Variants in IFT88 observed in about 807,000 individuals in gnomAD.
IFT88 encodes intraflagellar transport protein 88 homolog.
Under a neutral mutation model 119.5 loss-of-function variants are expected in IFT88, and 74 were observed. The observed-to-expected ratio is 0.62, with a 90% CI of 0.51 to 0.75. The LOEUF (loss-of-function observed/expected upper bound fraction) is 0.75, where lower values mean the gene tolerates loss of function less well. Among genes scored for constraint, IFT88 ranks in the 30% least tolerant of loss-of-function variants. IFT88 has a pLI of 0.00. For missense variants in IFT88, 961 were observed against 977.7 expected, an observed-to-expected ratio of 0.98 and a Z score of 0.23; for synonymous variants, 279 against 316.7, an observed-to-expected ratio of 0.88 and a Z score of 1.26.
rs746725002 is a variant in IFT88, at chr13:20,638,360, A to G, written c.1415A>G (p.Tyr472Cys). 2 of 1,412,766 alleles carry G rather than the reference A, an allele frequency of 1.4e-6. No homozygotes were observed. The highest frequency in any genetic ancestry group is 1.9e-6 in the Non-Finnish European group (2 of 1,078,012). 87.5% of individuals were successfully genotyped at this position (1,412,766 alleles called of 1,614,324 possible). The change falls in exon 17 of 26, where the codon TAT (tyrosine) becomes TGT (cysteine). Residue 472 changes from tyrosine to cysteine, a missense_variant. Transcript: ENST00000351808. ...AAGGATTTTGCACAAGCCAGCAGCT[A>G]TGCAGATATAGCTGTGAACTCTGAT... ...MGKDFAQASS[Y>C]ADIAVNSDRY...
intron 14 of IFT88, among the ~76,000 whole-genome samples, chr13:20,621,574 T>C (rs1349907412): frequency 7.2e-6 from 1 of 138,568 alleles, no homozygotes; most frequent in African/African-American, 2.8e-5. Flanking sequence ...TTTAAAAAAG[T>C]AAAAAATCCA....
intron 20 of IFT88, among the ~76,000 whole-genome samples, chr13:20,650,220 A>C (rs934602856): frequency 6.6e-6 from 1 of 152,132 alleles, no homozygotes; most frequent in Non-Finnish European, 1.5e-5. Flanking sequence ...ATGCAAAAAT[A>C]CTCAACAAAA....
chr13:20,598,633 T>A lies in IFT88; in HGVS notation c.595-18T>A. 6.6e-7 allele frequency: 1 copy of A among 1,525,542 alleles called. No individual in the cohort carries two copies. The allele number at this position is 1,525,542 out of a possible 1,614,324, so 94.5% of individuals were successfully genotyped here. A position where few individuals can be genotyped will look rare whatever the true frequency, so the allele number is the denominator to read the frequency against. ...AAAGTGGTCTTATGTGTCTTTTCTATAATATTTTCTTCCTTAGGTTCTTTT... is the reference window on the plus strand; with the variant it reads ...AAAGTGGTCTTATGTGTCTTTTCTAAAATATTTTCTTCCTTAGGTTCTTTT... On this transcript the variant is annotated intron_variant, in intron 9 of 25. Coordinates refer to ENST00000351808, the MANE Select transcript of IFT88 (RefSeq NM_006531.5).
rs747257976 is a variant in IFT88 at position 20,641,310 on chromosome 13, A to T, written c.1594A>T (p.Asn532Tyr). ...TTAAGGCCTTACCTATGAGAAACTAAATCGGCTAGATGAGGCTTTGGACTG... is the reference window on the plus strand; with the variant it reads ...TTAAGGCCTTACCTATGAGAAACTATATCGGCTAGATGAGGCTTTGGACTG... ...YNIGLTYEKL[N>Y]RLDEALDCFL... Residue 532 changes from asparagine (N) to tyrosine (Y), a missense_variant, in exon 18 of 26, where the codon AAT (asparagine) becomes TAT (tyrosine). Transcript: ENST00000351808. 1.2e-5 allele frequency: 19 copies of T among 1,609,586 alleles called. No homozygotes were observed. The South Asian group carries it at 2.1e-4, about 18-fold the overall frequency.
chr13:20,603,939 A>G (rs1056299777), intron 12 of IFT88, among the ~76,000 whole-genome samples: 9 of 152,152 alleles, frequency 5.9e-5, no homozygotes, highest in Non-Finnish European at 1.3e-4. Context: ...GTGCACCTGT[A>G]GTCCCAGCTA....
chr13:20,644,714 A>AG (rs2050474686), intron 19 of IFT88, 129 bp from the exon 20 acceptor site: 2 of 505,940 alleles, frequency 4.0e-6, no homozygotes, highest in South Asian at 7.7e-5. Context: ...CAAAGTACTT[A>AG]GGACAGTTCA....
At chr13:20,612,647 A>G (rs1484834372) in intron 13 of IFT88, among the ~76,000 whole-genome samples, 1 of 152,188 alleles carries the variant, frequency 6.6e-6, no homozygotes, top group Non-Finnish European at 1.5e-5. Context: ...CCTAAAACTC[A>G]TATGGAAATG....
chr13:20,614,589 C>G (rs1273577943), intron 13 of IFT88, among the ~76,000 whole-genome samples: 1 of 151,920 alleles, frequency 6.6e-6, no homozygotes, highest in Non-Finnish European at 1.5e-5. Flanking sequence ...TGGAGGAAAA[C>G]AAAGGAATGG....
intron 21 of IFT88, among the ~76,000 whole-genome samples, chr13:20,655,675 G>A (rs527432340): frequency 6.6e-6 from 1 of 151,924 alleles, no homozygotes; most frequent in Admixed American, 6.6e-5. Context: ...TGTATTTTTA[G>A]TAGAGAAGGG....
chr13:20,689,168 G>A (rs557877653), intron 24 of IFT88, among the ~76,000 whole-genome samples: 14 of 152,228 alleles, frequency 9.2e-5, no homozygotes, highest in Middle Eastern at 3.4e-3. Flanking sequence ...TCCTGACCTC[G>A]TGATCTGCCT....
intron 23 of IFT88, among the ~76,000 whole-genome samples, chr13:20,669,319 C>A (rs931623461): frequency 6.6e-6 from 1 of 152,164 alleles, no homozygotes; most frequent in Non-Finnish European, 1.5e-5. Flanking sequence ...CTTCGCATAT[C>A]CTGTTCTGAA....
At chr13:20,687,767 A>C (rs2058084926) in intron 24 of IFT88, among the ~76,000 whole-genome samples, 1 of 152,188 alleles carries the variant, frequency 6.6e-6, no homozygotes, top group Non-Finnish European at 1.5e-5. Flanking sequence ...AAAAAATAAA[A>C]TGAAAAAAAC....
In IFT88 at chr13:20,638,474, C is replaced by A; in HGVS notation, c.1529C>A (p.Ala510Asp). 1 of 1,517,228 alleles carries A rather than the reference C, an allele frequency of 6.6e-7. No individual in the cohort carries two copies. Among genetic ancestry groups the A allele is most frequent in the South Asian group, 1.4e-5 (1 of 71,786 alleles). 94.0% of individuals were successfully genotyped at this position (1,517,228 alleles called of 1,614,324 possible). A position where few individuals can be genotyped will look rare whatever the true frequency, so the allele number is the denominator to read the frequency against. Residue 510 changes from alanine to aspartate, a missense_variant, in exon 17 of 26, where the codon GCT becomes GAT. By Grantham distance (126) the Ala-to-Asp change is moderately radical. Transcript: ENST00000351808. ...AAGGCCGCTGAATTCTATAAAGAGG[C>A]TCTAAGAAATGATTCTTCTTGTACT... is the stretch of plus-strand genomic sequence containing the variant. Reference protein sequence around the residue: ...YEKAAEFYKEALRNDSSCTEA... With the variant: ...YEKAAEFYKEDLRNDSSCTEA...
chr13:20,663,833 A>G (rs2054212230), intron 23 of IFT88, among the ~76,000 whole-genome samples: 2 of 152,250 alleles, frequency 1.3e-5, no homozygotes, highest in African/African-American at 2.4e-5. Flanking sequence ...CTTAGTGGAT[A>G]GCTACTAACA....
chr13:20,630,971 C>A, intron 15 of IFT88, 45 bp from the exon 16 acceptor site: 1 of 1,173,994 alleles, frequency 8.5e-7, no homozygotes, highest in South Asian at 1.3e-5. Context: ...AGCTTGAGTA[C>A]TGTCATATTA....
chr13:20,618,884 C>T (rs1253648178), intron 14 of IFT88, among the ~76,000 whole-genome samples: 8 of 141,648 alleles, frequency 5.6e-5, no homozygotes, highest in East Asian at 2.0e-4. Flanking sequence ...GAGATGGAGT[C>T]TCACTCTTGT....
intron 13 of IFT88, among the ~76,000 whole-genome samples, chr13:20,608,582 T>A (rs751485185): frequency 1.3e-5 from 2 of 151,776 alleles, no homozygotes; most frequent in Non-Finnish European, 2.9e-5. Context: ...GCAGTGGGGG[T>A]GTCCAGGGCG....
chr13:20,672,830 C>T (rs2056102208), intron 24 of IFT88, among the ~76,000 whole-genome samples: 1 of 152,050 alleles, frequency 6.6e-6, no homozygotes, highest in South Asian at 2.1e-4. Flanking sequence ...TATATTGCCA[C>T]CTGAAGAGTT....
At chr13:20,635,481 G>A (rs2048888197) in intron 16 of IFT88, among the ~76,000 whole-genome samples, 1 of 152,192 alleles carries the variant, frequency 6.6e-6, no homozygotes, top group Non-Finnish European at 1.5e-5. Flanking sequence ...GTGCTCCCTA[G>A]TCTGAGAAAA....
Sources: allele counts gnomAD v4.1 joint callset (sites outside exome capture counted in the v4.1 genomes callset), GRCh38; gene constraint gnomAD v4.1.1; transcripts MANE v1.5; gene names NCBI Gene and HGNC (gene_info 2026-07-23, HGNC 2026-07-21).